UPF2: variants seen among roughly 807,000 people sequenced by gnomAD.
UPF2 encodes the protein regulator of nonsense transcripts 2.
A neutral mutation model predicts 141.4 loss-of-function variants in UPF2; 17 were observed. That is an observed-to-expected ratio of 0.12 (90% confidence interval 0.08 to 0.18). The LOEUF (loss-of-function observed/expected upper bound fraction) is 0.18. Ranked by LOEUF, UPF2 falls within the 10% of genes least tolerant of loss-of-function variation. The pLI, the probability that UPF2 is intolerant of heterozygous loss-of-function variation, is 1.00. For missense variants in UPF2, 1,152 were observed against 1,515.9 expected (o/e 0.76, Z 3.99); for synonymous variants, 540 against 498.0 (o/e 1.08, Z -1.12).
chr10:11,962,743 A>G (rs1273508429), intron 11 of UPF2, among the ~76,000 whole-genome samples: 1 of 152,234 alleles, frequency 6.6e-6, no homozygotes, highest in Non-Finnish European at 1.5e-5. Flanking sequence ...CAAGCTCCTT[A>G]GCATGGCACT....
At chr10:11,965,652 C>T (rs774192362) in intron 10 of UPF2, among the ~76,000 whole-genome samples, 2 of 151,912 alleles carry the variant, frequency 1.3e-5, no homozygotes, top group East Asian at 1.9e-4. Context: ...GTAGAAACGG[C>T]GTTTCACCGT....
chr10:11,984,841 C>G (rs894892937), intron 8 of UPF2, among the ~76,000 whole-genome samples: 1 of 152,056 alleles, frequency 6.6e-6, no homozygotes, highest in Non-Finnish European at 1.5e-5. Context: ...GCCTCCCGAG[C>G]AGCTGGAACT....
Position 11,936,403 on chromosome 10 carries a change from A to C in UPF2, c.3546+142T>G, listed in dbSNP as rs1399664161. 4 of 892,568 alleles carry C rather than the reference A, an allele frequency of 4.5e-6. No homozygotes were observed. The highest frequency in any genetic ancestry group is 4.4e-5 in the South Asian group (1 of 22,540). 55.3% of individuals were successfully genotyped at this position (892,568 alleles called of 1,614,324 possible). A position where few individuals can be genotyped will look rare whatever the true frequency, so the allele number is the denominator to read the frequency against. On this transcript the variant is annotated intron_variant, in intron 19 of 21. Transcript: ENST00000357604. This position sits in a 1 kb window ranked among gnomAD's most constrained non-coding sequence, Gnocchi z 6.6. ...ACAAAAACAAAAACAAAAACAAAAA[A>C]AACTATATAAGGGAAGAAATTATTC...
intron 21 of UPF2, among the ~76,000 whole-genome samples, chr10:11,926,397 G>A (rs956275977): frequency 1.3e-5 from 2 of 152,194 alleles, no homozygotes; most frequent in African/African-American, 4.8e-5. Flanking sequence ...AGGCCACTGG[G>A]AGGGATGACA....
chr10:12,024,030 C>G (rs1834365457), intron 3 of UPF2, among the ~76,000 whole-genome samples: 1 of 152,068 alleles, frequency 6.6e-6, no homozygotes, highest in South Asian at 2.1e-4. Context: ...GAATAAAATG[C>G]TTAAAGAAAT....
At chr10:11,973,744 A>C (rs1833458150) in intron 9 of UPF2, among the ~76,000 whole-genome samples, 3 of 152,082 alleles carry the variant, frequency 2.0e-5, no homozygotes, top group Non-Finnish European at 2.9e-5. Context: ...ATTGGTCTAT[A>C]TCTCTATTTT....
chr10:12,035,291 C>T lies in UPF2; in HGVS notation c.133G>A (p.Ala45Thr), dbSNP rs1284416981. The T allele has an allele frequency of 6.2e-7, 1 of 1,614,094 alleles. No homozygotes were observed. Among genetic ancestry groups the T allele is most frequent in the East Asian group, 2.2e-5 (1 of 44,880 alleles). The stretch of plus-strand genomic sequence containing the variant: ...GGGGCCTTGCTGACCTCCTTCTTGG[C>T]AGTGAGCTTGATATCGTCTTTTGGC... ...ERPKDDIKLT[A>T]KKEVSKAPED... Residue 45 changes from alanine (A) to threonine (T), a missense_variant, in exon 2 of 22, where the codon GCC becomes ACC. Transcript: ENST00000357604.
intron 8 of UPF2, among the ~76,000 whole-genome samples, chr10:11,990,802 C>T (rs560239686): frequency 5.9e-5 from 9 of 151,460 alleles, no homozygotes; most frequent in Admixed American, 5.9e-4. Flanking sequence ...TCCTGGCTAA[C>T]ATGGTGAAAC....
chr10:11,997,797 A>C (rs750610140), intron 7 of UPF2, 40 bp from the exon 8 acceptor site: 1 of 1,561,780 alleles, frequency 6.4e-7, no homozygotes, highest in East Asian at 2.2e-5. Context: ...AAAACCTCTA[A>C]TTAGTTACGG....
At chr10:11,928,353 T>C (rs1041750564) in intron 21 of UPF2, among the ~76,000 whole-genome samples, 2 of 150,716 alleles carry the variant, frequency 1.3e-5, no homozygotes, top group Non-Finnish European at 3.0e-5. Flanking sequence ...AAGAACAAAA[T>C]TAGTTGATGA....
At chr10:11,971,761 T>A (rs1033250892) in intron 9 of UPF2, among the ~76,000 whole-genome samples, 7 of 152,114 alleles carry the variant, frequency 4.6e-5, no homozygotes, top group African/African-American at 1.7e-4. Context: ...AAAGTTTGTA[T>A]ATACTAATTA....
At chr10:11,990,499 T>G (rs770027804) in intron 8 of UPF2, among the ~76,000 whole-genome samples, 2 of 151,774 alleles carry the variant, frequency 1.3e-5, no homozygotes, top group Admixed American at 1.3e-4. Flanking sequence ...GCTAACATGG[T>G]GAAACCCCAT....
intron 10 of UPF2, among the ~76,000 whole-genome samples, chr10:11,965,952 T>A (rs1833313515): frequency 1.3e-5 from 2 of 152,204 alleles, no homozygotes; most frequent in Non-Finnish European, 2.9e-5. Context: ...AACGGAATGA[T>A]CAATTTCAAA....
At position 11,956,166 on chromosome 10, in the gene UPF2, G is replaced by T. The variant is rs1182974447; in HGVS notation, c.2574+154C>A. Among the ~76,000 whole-genome samples the T allele has an allele frequency of 6.6e-6, 1 of 151,264 alleles. No individual in the cohort carries two copies. Among genetic ancestry groups the T allele is most frequent in the Non-Finnish European group, 1.5e-5 (1 of 67,836 alleles). On this transcript the variant is annotated intron_variant, in intron 13 of 21. Transcript: ENST00000357604. This position sits in a 1 kb window ranked among gnomAD's most constrained non-coding sequence, Gnocchi z 4.2. ...AGTCTCAAAAAAAAAAAAAAAAGAG[G>T]AAAGTGTTTACAGGAAATTCTTATA...
intron 14 of UPF2, among the ~76,000 whole-genome samples, chr10:11,954,490 C>T (rs997474817): frequency 4.6e-5 from 7 of 151,380 alleles, no homozygotes; most frequent in Non-Finnish European, 8.8e-5. Context: ...AAAAATTAGC[C>T]GGGTGTGGTG....
At chr10:11,975,771 C>A (rs931480275) in intron 9 of UPF2, among the ~76,000 whole-genome samples, 6 of 152,124 alleles carry the variant, frequency 3.9e-5, no homozygotes, top group African/African-American at 1.4e-4. Flanking sequence ...CCCGCCTTGG[C>A]CTCCCAAAAT....
Position 11,921,412 on chromosome 10 carries a change from A to C in UPF2, c.3810-105T>G, listed in dbSNP as rs1832643010. The C allele has an allele frequency of 2.1e-6, 3 of 1,441,806 alleles. No homozygotes were observed. Among genetic ancestry groups the C allele is most frequent in the African/African-American group, 2.8e-5 (2 of 71,262 alleles). 89.3% of individuals were successfully genotyped at this position (1,441,806 alleles called of 1,614,324 possible). On this transcript the variant is annotated intron_variant, in intron 21 of 21. Transcript: ENST00000357604. The surrounding 1 kb of genome is among the most constrained non-coding windows in gnomAD (Gnocchi z 5.9). ...CCACCACCACCAAGTCACTCCCCCA[A>C]GTTACAGGTGGCCCTGGCATCTGCG...
At chr10:11,948,267 AAAAC>A in intron 16 of UPF2, 98 bp downstream of exon 16, 8 of 1,163,428 alleles carry the variant, frequency 6.9e-6, no homozygotes, top group South Asian at 1.8e-5. Flanking sequence ...AAAAAAAAAA[AAAAC>A]CAGGAGGAGG....
chr10:11,978,325 T>G (rs896377502), intron 9 of UPF2, among the ~76,000 whole-genome samples: 2 of 152,230 alleles, frequency 1.3e-5, no homozygotes, highest in South Asian at 2.1e-4. Flanking sequence ...CTAACTACAA[T>G]TGAATTTCAT....
Sources: gnomAD v4.1 joint callset for allele counts (sites outside exome capture counted in the v4.1 genomes callset) on GRCh38, gnomAD v4.1.1 for gene constraint, Gnocchi (gnomAD v3.1) non-coding constraint, MANE v1.5 for transcripts, NCBI Gene and HGNC (gene_info 2026-07-23, HGNC 2026-07-21) for gene names.